COL4A2: variants seen among roughly 807,000 people sequenced by gnomAD.
The protein encoded by COL4A2 is collagen alpha-2(IV) chain.
COL4A2 carries 99 observed loss-of-function variants against 200.2 expected under a neutral mutation model. The observed-to-expected ratio is 0.49, with a 90% confidence interval of 0.42 to 0.58. The LOEUF (loss-of-function observed/expected upper bound fraction) is 0.58, where lower values mean the gene tolerates loss of function less well. COL4A2 is among the 20% of genes least tolerant of loss of function. The pLI is 0.00. For missense variants in COL4A2, 1,950 were observed against 2,314.1 expected, an observed-to-expected ratio of 0.84 and a Z score of 3.23; for synonymous variants, 897 against 900.6, an observed-to-expected ratio of 1.00 and a Z score of 0.07.
At chr13:110,365,248 TCTC>T (rs1457211460) in intron 4 of COL4A2, among the ~76,000 whole-genome samples, 1 of 152,054 alleles carries the variant, frequency 6.6e-6, no homozygotes, top group African/African-American at 2.4e-5. Flanking sequence ...TTCAAGTCAT[TCTC>T]CTGCCTCAGC....
chr13:110,315,233 C>A (rs1885100750), intron 3 of COL4A2, among the ~76,000 whole-genome samples: 1 of 152,228 alleles, frequency 6.6e-6, no homozygotes, highest in Non-Finnish European at 1.5e-5. Context: ...ATGGCTGGAG[C>A]CTCTGTCCTT....
At chr13:110,343,878 G>A (rs1056545069) in intron 3 of COL4A2, among the ~76,000 whole-genome samples, 4 of 152,110 alleles carry the variant, frequency 2.6e-5, no homozygotes, top group Non-Finnish European at 4.4e-5. Flanking sequence ...TACTTCTCTG[G>A]AATAAATAGC....
intron 4 of COL4A2, among the ~76,000 whole-genome samples, chr13:110,414,514 G>A (rs1385188002): frequency 6.6e-6 from 1 of 152,130 alleles, no homozygotes; most frequent in East Asian, 1.9e-4. Context: ...TTAAAATCCA[G>A]GACAGGAGAG....
rs192034067 is a variant in COL4A2 at position 110,413,439 on chromosome 13, G to A, written c.181-11295G>A. ...GTGCCATGGGGAAGAAGCCCCGGCCGCCTCCTCCAGTTGTGAGGAGGGGAA... is the reference window on the plus strand; with the variant it reads ...GTGCCATGGGGAAGAAGCCCCGGCCACCTCCTCCAGTTGTGAGGAGGGGAA... On this transcript the variant is annotated intron_variant, in intron 4 of 47. Coordinates refer to ENST00000360467, the MANE Select transcript of COL4A2 (RefSeq NM_001846.4). Among the ~76,000 whole-genome samples the A allele has an allele frequency of 2.7e-3, 412 of 152,292 alleles. 5 individuals carry two copies. The highest frequency in any genetic ancestry group is 0.025 in the Admixed American group (376 of 15,300).
At position 110,351,590 on chromosome 13, in the gene COL4A2, T is replaced by C. The variant is rs950708392; in HGVS notation, c.100-5882T>C. On this transcript the variant is annotated intron_variant, in intron 3 of 47. Coordinates refer to ENST00000360467, the MANE Select transcript of COL4A2 (RefSeq NM_001846.4). Reference sequence around the variant, plus strand: ...ATTCACATTTATTTTTCAGAACTATTCCTTTTGGTTCCACAACACTAAAGA... The same window carrying C: ...ATTCACATTTATTTTTCAGAACTATCCCTTTTGGTTCCACAACACTAAAGA... 5.3e-5 allele frequency among the ~76,000 whole-genome samples: 8 copies of C among 152,226 alleles called. No individual in the cohort carries two copies. In the East Asian group the frequency reaches 1.5e-3, roughly 29 times the overall value.
At chr13:110,372,584 G>A (rs1398212837) in intron 4 of COL4A2, among the ~76,000 whole-genome samples, 1 of 152,190 alleles carries the variant, frequency 6.6e-6, no homozygotes, top group African/African-American at 2.4e-5. Flanking sequence ...TGGAAGGCAG[G>A]CAAGCTTTTT....
At chr13:110,376,773 C>T (rs763622389) in intron 4 of COL4A2, among the ~76,000 whole-genome samples, 1 of 152,102 alleles carries the variant, frequency 6.6e-6, no homozygotes, top group Non-Finnish European at 1.5e-5. Flanking sequence ...ACTTGTAATT[C>T]AAGGCCCCCG....
At chr13:110,411,713 G>A (rs1367710269) in intron 4 of COL4A2, among the ~76,000 whole-genome samples, 2 of 152,158 alleles carry the variant, frequency 1.3e-5, no homozygotes, top group East Asian at 3.8e-4. Context: ...TCTGCTTTTG[G>A]CTTAATTATC....
chr13:110,348,544 G>C (rs1876814462), intron 3 of COL4A2, among the ~76,000 whole-genome samples: 1 of 152,178 alleles, frequency 6.6e-6, no homozygotes, highest in Non-Finnish European at 1.5e-5. Context: ...ACTTTACTGA[G>C]AACCTTGTTC....
intron 4 of COL4A2, among the ~76,000 whole-genome samples, chr13:110,386,675 G>A (rs1878764618): frequency 6.6e-6 from 1 of 152,156 alleles, no homozygotes; most frequent in African/African-American, 2.4e-5. Flanking sequence ...TAATAGCATT[G>A]TTATTATTTC....
chr13:110,512,243 C>T lies in COL4A2; in HGVS notation c.*52C>T. The T allele has an allele frequency of 6.5e-7, 1 of 1,536,932 alleles. No individual in the cohort carries two copies. The highest frequency in any genetic ancestry group is 8.7e-7 in the Non-Finnish European group (1 of 1,147,532). On this transcript the variant is annotated 3_prime_UTR_variant, in exon 48 of 48. Transcript: ENST00000360467. The stretch of plus-strand genomic sequence containing the variant: ...TTGGTGCTTATTCTTAACTTATTAC[C>T]TCAGGTGCCAACCCAAAAATTGGTT...
At chr13:110,385,525 CAGTGCGTGGATAGGCCGTGGT>C (rs1168688719) in intron 4 of COL4A2, among the ~76,000 whole-genome samples, 6,721 of 119,078 alleles carry the variant, frequency 0.056, 1,210 homozygotes, top group East Asian at 0.094. Flanking sequence ...GCCGTGGTTA[CAGTGCGTGGATAGGCCGTGGT>C]TGCAGTGTGT....
intron 3 of COL4A2, among the ~76,000 whole-genome samples, chr13:110,315,738 C>T (rs985723410): frequency 3.3e-5 from 5 of 152,222 alleles, no homozygotes; most frequent in Non-Finnish European, 7.3e-5. Flanking sequence ...CTTTAGCTGA[C>T]ATTGCTGTTC....
At position 110,338,054 on chromosome 13, in the gene COL4A2, G is replaced by A. The variant is rs1594155282; in HGVS notation, c.100-19418G>A. On this transcript the variant is annotated intron_variant, in intron 3 of 47. Coordinates refer to ENST00000360467, the MANE Select transcript of COL4A2 (RefSeq NM_001846.4). ...CTCCAAAGGAACCATTTATGCCACCGTGATAGGAACTGCGTATTGCTCACT... is the reference window on the plus strand; with the variant it reads ...CTCCAAAGGAACCATTTATGCCACCATGATAGGAACTGCGTATTGCTCACT... Among the ~76,000 whole-genome samples the A allele has an allele frequency of 5.9e-5, 9 of 152,274 alleles. No individual in the cohort carries two copies. In the South Asian group the frequency reaches 6.2e-4, roughly 11 times the overall value.
At position 110,503,033 on chromosome 13, in the gene COL4A2, C is replaced by T. The variant is rs544572564; in HGVS notation, c.3878-88C>T. The T allele has an allele frequency of 8.9e-6, 11 of 1,237,544 alleles. No individual in the cohort carries two copies. The South Asian group carries it at 1.1e-4, about 12-fold the overall frequency. 76.7% of individuals were successfully genotyped at this position (1,237,544 alleles called of 1,614,324 possible). On this transcript the variant is annotated intron_variant, in intron 41 of 47. Transcript: ENST00000360467. ...ATGCCACAGACTTGCCAGAGACTGT[C>T]GCCTGAATGGGTGACGGTGCACCTG...
chr13:110,360,831 G>A lies in COL4A2; in HGVS notation c.180+3279G>A, dbSNP rs559977716. 3.1e-4 allele frequency among the ~76,000 whole-genome samples: 47 copies of A among 151,824 alleles called. 1 individual carries two copies. The highest frequency in any genetic ancestry group is 1.1e-3 in the African/African-American group (46 of 41,368). On this transcript the variant is annotated intron_variant, in intron 4 of 47. Transcript: ENST00000360467. ...CTGGACTGTGGGATCCACTGTGCAC[G>A]CGCAGCACTCATGTGGCCTGAAATC...
intron 40 of COL4A2, among the ~76,000 whole-genome samples, chr13:110,500,258 C>T (rs930607899): frequency 6.6e-5 from 10 of 152,190 alleles, no homozygotes; most frequent in Admixed American, 2.0e-4. Flanking sequence ...TGCACTGTTT[C>T]GCCCAGCTCA....
rs529121654 is a variant in COL4A2, at chr13:110,474,746, G to T, written c.2425+1596G>T. 1.0e-4 allele frequency among the ~76,000 whole-genome samples: 4 copies of T among 38,296 alleles called. 1 individual carries two copies. The highest frequency in any genetic ancestry group is 2.1e-4 in the Non-Finnish European group (4 of 18,660). The allele number at this position is 38,296 out of a possible 152,430, so 25.1% of individuals were successfully genotyped here. A position where few individuals can be genotyped will look rare whatever the true frequency, so the allele number is the denominator to read the frequency against. On this transcript the variant is annotated intron_variant, in intron 29 of 47. Coordinates refer to ENST00000360467, the MANE Select transcript of COL4A2 (RefSeq NM_001846.4). The stretch of plus-strand genomic sequence containing the variant: ...ACACGCACGTACCCACACACGTGCC[G>T]TGCACACTCACACATCACACACGCA...
intron 4 of COL4A2, among the ~76,000 whole-genome samples, chr13:110,415,643 G>T (rs1380061790): frequency 6.6e-6 from 1 of 151,994 alleles, no homozygotes; most frequent in South Asian, 2.1e-4. Context: ...CATATATATA[G>T]ACCGCTTTTC....
Sources: gnomAD v4.1 joint callset for allele counts (sites outside exome capture counted in the v4.1 genomes callset) on GRCh38, gnomAD v4.1.1 for gene constraint, MANE v1.5 for transcripts, NCBI Gene and HGNC (gene_info 2026-07-23, HGNC 2026-07-21) for gene names.